Variants in WWOX observed in about 807,000 individuals in gnomAD.
The protein encoded by WWOX is WW domain-containing oxidoreductase.
WWOX carries 69 observed loss-of-function variants against 46.2 expected under a neutral mutation model. That is an observed-to-expected ratio of 1.49 (90% confidence interval 1.23 to 1.82). The LOEUF (loss-of-function observed/expected upper bound fraction) is 1.82, where lower values mean the gene tolerates loss of function less well. WWOX is among the 40% of genes most tolerant of loss of function. The pLI, the probability that WWOX is intolerant of heterozygous loss-of-function variation, is 0.00. For missense variants in WWOX, 919 were observed against 542.6 expected, an observed-to-expected ratio of 1.69 and a Z score of -6.89; for synonymous variants, 359 against 202.6, an observed-to-expected ratio of 1.77 and a Z score of -6.56.
At chr16:78,122,098 T>G (rs1401239478) in intron 4 of WWOX, among the ~76,000 whole-genome samples, 1 of 152,214 alleles carries the variant, frequency 6.6e-6, no homozygotes, top group African/African-American at 2.4e-5. Context: ...ATTTTATTAT[T>G]ATTGTTGATC....
intron 8 of WWOX, among the ~76,000 whole-genome samples, chr16:78,863,467 C>T (rs2043936650): frequency 6.6e-6 from 1 of 152,146 alleles, no homozygotes; most frequent in African/African-American, 2.4e-5. Context: ...GGGTACTTGT[C>T]TTTCATCAGA....
In WWOX at chr16:78,591,931, C is replaced by T. The variant is rs2045361768; in HGVS notation, c.1056+159179C>T. ...ACTGACCACTCTCTGTACAGATGCG[C>T]TCAAGCGACCATAACCACCAGTGTT... is the stretch of plus-strand genomic sequence containing the variant. On this transcript the variant is annotated intron_variant, in intron 8 of 8. Transcript: ENST00000566780. 3.3e-5 allele frequency among the ~76,000 whole-genome samples: 5 copies of T among 152,220 alleles called. No homozygotes were observed. In the South Asian group the frequency reaches 1.0e-3, roughly 32 times the overall value.
intron 8 of WWOX, among the ~76,000 whole-genome samples, chr16:78,620,460 T>C (rs1291009164): frequency 1.3e-5 from 2 of 152,176 alleles, no homozygotes; most frequent in African/African-American, 2.4e-5. Context: ...ACTTGGTCCC[T>C]GGATGGGAGA....
chr16:79,018,408 G>A (rs569051063), intron 8 of WWOX, among the ~76,000 whole-genome samples: 1 of 152,284 alleles, frequency 6.6e-6, no homozygotes, highest in African/African-American at 2.4e-5. Flanking sequence ...TAATTTGTGA[G>A]CAATCAGATA....
chr16:78,776,826 A>C (rs900495121), intron 8 of WWOX, among the ~76,000 whole-genome samples: 9 of 152,062 alleles, frequency 5.9e-5, no homozygotes, highest in Non-Finnish European at 1.3e-4. Flanking sequence ...ACCACATATA[A>C]AACCATCAGA....
At chr16:78,752,118 C>G (rs1037969811) in intron 8 of WWOX, among the ~76,000 whole-genome samples, 13 of 152,168 alleles carry the variant, frequency 8.5e-5, no homozygotes, top group African/African-American at 2.9e-4. Flanking sequence ...TCAGTTGTCT[C>G]AATCCATAAA....
At chr16:78,827,597 C>T (rs889588012) in intron 8 of WWOX, among the ~76,000 whole-genome samples, 1 of 151,896 alleles carries the variant, frequency 6.6e-6, no homozygotes, top group Non-Finnish European at 1.5e-5. Context: ...CTTTGGGAGG[C>T]CAAGGTGGGT....
intron 8 of WWOX, among the ~76,000 whole-genome samples, chr16:78,867,832 G>A (rs535045271): frequency 6.6e-6 from 1 of 152,240 alleles, no homozygotes; most frequent in African/African-American, 2.4e-5. Flanking sequence ...ATGAATTCTA[G>A]CCCCAGACCA....
chr16:78,476,980 A>G (rs931359042), intron 8 of WWOX, among the ~76,000 whole-genome samples: 32 of 151,216 alleles, frequency 2.1e-4, no homozygotes, highest in African/African-American at 7.6e-4. Flanking sequence ...ATTTAACATT[A>G]TAAATACGAT....
At chr16:79,061,940 G>A (rs1189346802) in intron 8 of WWOX, among the ~76,000 whole-genome samples, 2 of 152,316 alleles carry the variant, frequency 1.3e-5, no homozygotes, top group African/African-American at 2.4e-5. Flanking sequence ...TTGGGAAAGT[G>A]GGACTTCAGA....
intron 5 of WWOX, among the ~76,000 whole-genome samples, chr16:78,187,735 A>G (rs991069718): frequency 1.3e-5 from 2 of 152,200 alleles, no homozygotes; most frequent in Admixed American, 6.5e-5. Flanking sequence ...AGGGAAGAAA[A>G]TAGTGCGGAA....
intron 8 of WWOX, among the ~76,000 whole-genome samples, chr16:78,791,158 A>C (rs770662538): frequency 6.6e-6 from 1 of 152,158 alleles, no homozygotes; most frequent in South Asian, 2.1e-4. Flanking sequence ...TCTGTGACTC[A>C]GTGCTTTCCT....
intron 8 of WWOX, among the ~76,000 whole-genome samples, chr16:78,547,807 C>G (rs1371226231): frequency 1.3e-5 from 2 of 152,016 alleles, no homozygotes; most frequent in Non-Finnish European, 2.9e-5. Context: ...CCTCAATGAC[C>G]TAATCACCTC....
At chr16:78,270,081 C>G (rs2079445658) in intron 5 of WWOX, 1 of 151,828 alleles carries the variant, frequency 6.6e-6, no homozygotes, top group Non-Finnish European at 1.5e-5. Flanking sequence ...GATGTTAAGC[C>G]TCAAAATCAT....
intron 8 of WWOX, among the ~76,000 whole-genome samples, chr16:79,165,003 ACC>A (rs1165562013): frequency 2.0e-5 from 3 of 152,120 alleles, no homozygotes; most frequent in African/African-American, 7.2e-5. Flanking sequence ...AATGTTCCAC[ACC>A]CTTATGTATA....
chr16:78,894,318 C>T (rs757760189), intron 8 of WWOX, among the ~76,000 whole-genome samples: 2 of 152,054 alleles, frequency 1.3e-5, no homozygotes, highest in South Asian at 4.2e-4. Flanking sequence ...ATATTTTAGA[C>T]TCAAGCCTGG....
At chr16:79,192,376 A>C (rs1017815850) in intron 8 of WWOX, among the ~76,000 whole-genome samples, 1 of 152,130 alleles carries the variant, frequency 6.6e-6, no homozygotes, top group Non-Finnish European at 1.5e-5. Context: ...TCACATGGCA[A>C]CTCATCACCC....
intron 6 of WWOX, among the ~76,000 whole-genome samples, chr16:78,423,160 C>A (rs911782236): frequency 6.6e-6 from 1 of 152,148 alleles, no homozygotes; most frequent in African/African-American, 2.4e-5. Context: ...GCTGAGATTA[C>A]AGGCGTGAGC....
chr16:79,195,686 G>C (rs151022662), intron 8 of WWOX, among the ~76,000 whole-genome samples: 86 of 152,326 alleles, frequency 5.6e-4, no homozygotes, highest in African/African-American at 2.0e-3. Flanking sequence ...TGTCTAGACC[G>C]GGAGCTAGCT....
Sources: gnomAD v4.1 joint callset for allele counts (sites outside exome capture counted in the v4.1 genomes callset) on GRCh38, gnomAD v4.1.1 for gene constraint, MANE v1.5 for transcripts, NCBI Gene and HGNC (gene_info 2026-07-23, HGNC 2026-07-21) for gene names.